PRKDC: variants seen among roughly 807,000 people sequenced by gnomAD.
PRKDC encodes the protein protein kinase, DNA-activated, catalytic subunit, also known as DNA-dependent protein kinase catalytic subunit.
PRKDC carries 82 observed loss-of-function variants against 486.9 expected under a neutral mutation model. That is an observed-to-expected ratio of 0.17 (90% CI 0.14 to 0.20). The LOEUF (loss-of-function observed/expected upper bound fraction) is 0.20, where lower values mean the gene tolerates loss of function less well. Ranked by LOEUF, PRKDC falls within the 10% of genes least tolerant of loss-of-function variation. The probability of loss-of-function intolerance (pLI) is 1.00; values close to 1 mark genes in which losing one functional copy is unlikely to be tolerated. For missense variants in PRKDC, 4,504 were observed against 5,038.2 expected (o/e 0.89, Z 3.21); for synonymous variants, 1,895 against 1,837.0 (o/e 1.03, Z -0.81).
Position 47,831,904 on chromosome 8 carries a change from T to A in PRKDC, c.8175A>T (p.Leu2725=). Residue 2725 remains leucine, a synonymous_variant, in exon 60 of 86, where the codon CTA becomes CTT. Transcript: ENST00000314191. ...TCATAAACCGTCTGCGCAGTCGTAGTAGGTCCGTCCGGCCGGCCGCACCTG... is the reference window on the plus strand; with the variant it reads ...TCATAAACCGTCTGCGCAGTCGTAGAAGGTCCGTCCGGCCGGCCGCACCTG... ...KVKGAAGRTD[L]LRLRRRFMRD... 6.2e-7 allele frequency: 1 copy of A among 1,613,530 alleles called. No homozygotes were observed. Among genetic ancestry groups the A allele is most frequent in the Non-Finnish European group, 8.5e-7 (1 of 1,179,512 alleles).
At chr8:47,871,050 CAG>C (rs1261484535) in intron 40 of PRKDC, among the ~76,000 whole-genome samples, 3 of 151,956 alleles carry the variant, frequency 2.0e-5, no homozygotes, top group Non-Finnish European at 1.5e-5. Context: ...CAAAAGAAAA[CAG>C]AATAAAAAAC....
At chr8:47,779,640 A>C (rs143417918) in intron 80 of PRKDC, among the ~76,000 whole-genome samples, 2,602 of 152,268 alleles carry the variant, frequency 0.017, 71 homozygotes, top group African/African-American at 0.06. Flanking sequence ...GCCAGGCTGG[A>C]GTGCAGTGGT....
At chr8:47,954,286 G>C (rs546127643) in intron 5 of PRKDC, 52 bp downstream of exon 5, 23 of 756,342 alleles carry the variant, frequency 3.0e-5, no homozygotes, top group Admixed American at 2.9e-4. Flanking sequence ...CTAATAATTT[G>C]TTAATATTAA....
chr8:47,932,996 T>C (rs764662356), intron 16 of PRKDC, 24 bp downstream of exon 16: 3 of 1,553,622 alleles, frequency 1.9e-6, no homozygotes, highest in Non-Finnish European at 1.7e-6. Context: ...TGATGAAAAA[T>C]TACTACTGAT....
Position 47,887,710 on chromosome 8 carries a change from A to C in PRKDC, c.4414-5T>G. 1 of 1,601,694 alleles carries C rather than the reference A, an allele frequency of 6.2e-7. No individual in the cohort carries two copies. The highest frequency in any genetic ancestry group is 8.5e-7 in the Non-Finnish European group (1 of 1,174,914). ...AGAATGATGCAAATCTGTGGACTAAAAGGAAGCCAACACTGAAATGCCTAG... is the reference window on the plus strand; with the variant it reads ...AGAATGATGCAAATCTGTGGACTAACAGGAAGCCAACACTGAAATGCCTAG... On this transcript the variant is annotated splice_region_variant and splice_polypyrimidine_tract_variant and intron_variant, in intron 34 of 85. Transcript: ENST00000314191.
chr8:47,945,481 G>A (rs535798984), intron 7 of PRKDC, among the ~76,000 whole-genome samples: 12 of 152,150 alleles, frequency 7.9e-5, no homozygotes, highest in Admixed American at 4.6e-4. Flanking sequence ...TAAGTACCTC[G>A]TGTGAGTGAA....
At chr8:47,916,717 G>T (rs2089990259) in intron 22 of PRKDC, among the ~76,000 whole-genome samples, 1 of 152,164 alleles carries the variant, frequency 6.6e-6, no homozygotes, top group African/African-American at 2.4e-5. Context: ...ACCACACAGT[G>T]CTTTTTCTCC....
intron 63 of PRKDC, among the ~76,000 whole-genome samples, chr8:47,824,602 T>C (rs1337984990): frequency 1.3e-5 from 2 of 152,088 alleles, no homozygotes; most frequent in Non-Finnish European, 2.9e-5. Context: ...TTTGGAATCC[T>C]TGTCTAGCTC....
rs188832180 is a variant in PRKDC, at chr8:47,885,651, G to A, written c.4776+293C>T. The stretch of plus-strand genomic sequence containing the variant: ...CTCACGCCTGTAATCCCAGCACTTC[G>A]GGAGGCCAAACTGGGCGGATCACGA... On this transcript the variant is annotated intron_variant, in intron 36 of 85. Coordinates refer to ENST00000314191, the MANE Select transcript of PRKDC (RefSeq NM_006904.7). Among the ~76,000 whole-genome samples the A allele has an allele frequency of 5.7e-4, 87 of 152,130 alleles. 1 individual carries two copies. Among genetic ancestry groups the A allele is most frequent in the African/African-American group, 1.9e-3 (79 of 41,516 alleles).
chr8:47,822,836 G>A (rs1243756603), intron 64 of PRKDC, among the ~76,000 whole-genome samples: 1 of 152,102 alleles, frequency 6.6e-6, no homozygotes, highest in Non-Finnish European at 1.5e-5. Flanking sequence ...GAGTCTCACA[G>A]GTCACAGACC....
At chr8:47,805,612 G>C (rs967472588) in intron 69 of PRKDC, among the ~76,000 whole-genome samples, 4 of 152,146 alleles carry the variant, frequency 2.6e-5, no homozygotes, top group Non-Finnish European at 5.9e-5. Flanking sequence ...AGCTTCTCAG[G>C]TAAGGCACGA....
intron 16 of PRKDC, among the ~76,000 whole-genome samples, chr8:47,932,115 GCT>G (rs2090267667): frequency 6.8e-6 from 1 of 147,622 alleles, no homozygotes; most frequent in Non-Finnish European, 1.5e-5. Context: ...ACAGAGTCTC[GCT>G]CTGTCGCCCA....
At position 47,943,364 on chromosome 8, in the gene PRKDC, C is replaced by T. The variant is rs1051049316; in HGVS notation, c.811G>A (p.Gly271Ser). 6.3e-7 allele frequency: 1 copy of T among 1,596,828 alleles called. No individual in the cohort carries two copies. Among genetic ancestry groups the T allele is most frequent in the Non-Finnish European group, 8.5e-7 (1 of 1,173,728 alleles). ...GCATGCAGGGCAAATAGGCGCAAGCCAGCTGCAAATGCAAATGCCATTATA... is the reference window on the plus strand; with the variant it reads ...GCATGCAGGGCAAATAGGCGCAAGCTAGCTGCAAATGCAAATGCCATTATA... ...DLKRYAVPSA[G>S]LRLFALHASQ... is the part of the protein sequence containing the mutation. Residue 271 changes from glycine to serine, a missense_variant and splice_region_variant, in exon 10 of 86, where the codon GGC (glycine) becomes AGC (serine). Around this residue, in one of 6 missense-constraint regions of PRKDC, gnomAD observed 1,969 missense variants for 2,068.9 expected, o/e 0.95. Coordinates refer to ENST00000314191, the MANE Select transcript of PRKDC (RefSeq NM_006904.7).
intron 84 of PRKDC, 59 bp from the exon 85 acceptor site, chr8:47,777,042 A>C: frequency 6.5e-7 from 1 of 1,539,240 alleles, no homozygotes; most frequent in Non-Finnish European, 8.7e-7. Context: ...AATCATGCCC[A>C]AACAGATTAA....
At chr8:47,930,429 T>C (rs1183868921) in intron 17 of PRKDC, among the ~76,000 whole-genome samples, 1 of 152,106 alleles carries the variant, frequency 6.6e-6, no homozygotes, top group East Asian at 1.9e-4. Context: ...CCTGACACTA[T>C]GCCCGGCGAA....
chr8:47,795,908 TTA>T (rs1491092291), intron 73 of PRKDC, among the ~76,000 whole-genome samples: 66 of 150,716 alleles, frequency 4.4e-4, no homozygotes, highest in Non-Finnish European at 8.3e-4. Flanking sequence ...TTTTTTTTTT[TTA>T]TGAGACAAGA....
chr8:47,947,880 T>C (rs1179754763), intron 7 of PRKDC, among the ~76,000 whole-genome samples: 1 of 151,728 alleles, frequency 6.6e-6, no homozygotes, highest in Non-Finnish European at 1.5e-5. Flanking sequence ...TGCACTCCAG[T>C]CTAGGTGACA....
Position 47,785,270 on chromosome 8 carries a change from T to C in PRKDC, c.10950A>G (p.Lys3650=). The stretch of plus-strand genomic sequence containing the variant: ...AGTCACTGAGCTTCATTCTCAGTAG[T>C]TTAGAACCTCCTTTCCCAAAATGTT... The part of the protein sequence containing the change: ...FDKHFGKGGS[K]LLRMKLSDFN... The change falls in exon 77 of 86, where the codon AAA becomes AAG. Residue 3650 remains lysine (K), a synonymous_variant. Coordinates refer to ENST00000314191, the MANE Select transcript of PRKDC (RefSeq NM_006904.7). The C allele has an allele frequency of 1.2e-6, 2 of 1,611,292 alleles. No individual in the cohort carries two copies. Among genetic ancestry groups the C allele is most frequent in the Non-Finnish European group, 1.7e-6 (2 of 1,178,422 alleles).
Position 47,819,431 on chromosome 8 carries a change from T to C in PRKDC, c.9416A>G (p.Gln3139Arg). ...TTTGCTTATAAAGCTGATGAACTCC[T>C]GAATTTCTGTTAAAGCCTGTACAGA... The part of the protein sequence containing the change: ...LQSVQALTEI[Q>R]EFISFISKQG... The change falls in exon 67 of 86, where the codon CAG becomes CGG. Residue 3139 changes from glutamine to arginine, a missense_variant. Transcript: ENST00000314191. The C allele has an allele frequency of 6.4e-7, 1 of 1,554,610 alleles. No individual in the cohort carries two copies. Among genetic ancestry groups the C allele is most frequent in the Non-Finnish European group, 8.6e-7 (1 of 1,159,340 alleles).
Sources: allele counts gnomAD v4.1 joint callset (sites outside exome capture counted in the v4.1 genomes callset), GRCh38; gene constraint gnomAD v4.1.1; regional missense constraint gnomAD v4.1.1; transcripts MANE v1.5; gene names NCBI Gene and HGNC (gene_info 2026-07-23, HGNC 2026-07-21).